Variants in VWDE observed in about 807,000 individuals in gnomAD.
The protein encoded by VWDE is von Willebrand factor D and EGF domain-containing protein.
A neutral mutation model predicts 178.4 loss-of-function variants in VWDE; 207 were observed. The observed-to-expected ratio is 1.16, with a 90% confidence interval of 1.04 to 1.30. The LOEUF is 1.30. Ranked by LOEUF, VWDE falls within the 50% of genes most tolerant of loss-of-function variation. VWDE has a pLI of 0.00. For missense variants in VWDE, 2,287 were observed against 1,901.3 expected (o/e 1.20, Z -3.77); for synonymous variants, 738 against 651.4 (o/e 1.13, Z -2.02).
At chr7:12,395,397 C>T (rs1054754079) in intron 1 of VWDE, among the ~76,000 whole-genome samples, 44 of 152,030 alleles carry the variant, frequency 2.9e-4, no homozygotes, top group Non-Finnish European at 3.5e-4. Flanking sequence ...AACAGAATTT[C>T]GTCTTGGGAA....
chr7:12,391,867 C>T (rs952276353), intron 2 of VWDE, among the ~76,000 whole-genome samples: 1 of 152,082 alleles, frequency 6.6e-6, no homozygotes, highest in Non-Finnish European at 1.5e-5. Context: ...GATCTCTCTC[C>T]AGGGGCCAAT....
intron 7 of VWDE, among the ~76,000 whole-genome samples, chr7:12,376,548 T>C (rs1041738001): frequency 2.6e-5 from 4 of 152,154 alleles, no homozygotes; most frequent in Non-Finnish European, 5.9e-5. Flanking sequence ...TTTTAAAGTA[T>C]ACCTGTAACT....
chr7:12,357,914 C>T (rs1276826678), intron 16 of VWDE, among the ~76,000 whole-genome samples: 1 of 152,142 alleles, frequency 6.6e-6, no homozygotes, highest in African/African-American at 2.4e-5. Context: ...TCCCTCTACT[C>T]CCTTTCTCTA....
intron 7 of VWDE, 112 bp from the exon 8 acceptor site, chr7:12,375,339 TTC>T (rs1242875831): frequency 1.0e-6 from 1 of 958,586 alleles, no homozygotes. Context: ...TCAAATTATT[TTC>T]TCTTTCTTAA....
At chr7:12,362,154 A>C (rs968661537) in intron 13 of VWDE, among the ~76,000 whole-genome samples, 1 of 151,866 alleles carries the variant, frequency 6.6e-6, no homozygotes, top group Non-Finnish European at 1.5e-5. Flanking sequence ...CACTATGGAG[A>C]GAAAGCCAGT....
At chr7:12,374,911 C>CA (rs1300149623) in intron 8 of VWDE, 99 bp downstream of exon 8, 2 of 1,274,502 alleles carry the variant, frequency 1.6e-6, no homozygotes, top group Middle Eastern at 2.7e-4. Flanking sequence ...ACTAATTTAC[C>CA]AAAAAATTTT....
In VWDE at chr7:12,393,668, G is replaced by A. The variant is rs2128562638; in HGVS notation, c.169C>T (p.His57Tyr). The A allele has an allele frequency of 6.4e-7, 1 of 1,551,190 alleles. No individual in the cohort carries two copies. The change falls in exon 2 of 29, where the codon CAT becomes TAT. Residue 57 changes from histidine to tyrosine, a missense_variant. By Grantham distance (83) the His-to-Tyr change is moderately conservative. Coordinates refer to ENST00000275358, the MANE Select transcript of VWDE (RefSeq NM_001135924.3). The stretch of plus-strand genomic sequence containing the variant: ...CTATACCATCCAGGGGAGAGGGAAT[G>A]GTCACATATTAGGTCTTGAACAGCT... ...QSAVQDLICD[H>Y]SLSPGWYRFL...
chr7:12,343,234 A>T, intron 21 of VWDE, 56 bp from the exon 22 acceptor site: 1 of 1,256,386 alleles, frequency 8.0e-7, no homozygotes, highest in South Asian at 1.3e-5. Flanking sequence ...AAGTCAGTTT[A>T]TATTTATAAA....
chr7:12,356,004 A>C (rs1782221575), intron 18 of VWDE, 107 bp downstream of exon 18: 1 of 823,994 alleles, frequency 1.2e-6, no homozygotes, highest in African/African-American at 1.7e-5. Flanking sequence ...TAAAATTGTA[A>C]AGATGTGTAC....
intron 1 of VWDE, among the ~76,000 whole-genome samples, chr7:12,400,349 G>A (rs754218230): frequency 1.3e-5 from 2 of 152,048 alleles, no homozygotes; most frequent in Non-Finnish European, 2.9e-5. Flanking sequence ...AAAGAAGAGA[G>A]AAGATTCAAA....
intron 6 of VWDE, among the ~76,000 whole-genome samples, chr7:12,378,918 C>A (rs994061588): frequency 6.6e-6 from 1 of 152,172 alleles, no homozygotes; most frequent in South Asian, 2.1e-4. Flanking sequence ...GTTCACCGTG[C>A]TTGCCTGCCT....
chr7:12,362,458 A>C (rs988336129), intron 13 of VWDE, among the ~76,000 whole-genome samples: 1 of 152,116 alleles, frequency 6.6e-6, no homozygotes, highest in Admixed American at 6.6e-5. Flanking sequence ...CATTATGCTT[A>C]AGCTACACTT....
intron 16 of VWDE, 47 bp downstream of exon 16, chr7:12,359,529 TTA>T (rs1277923529): frequency 1.5e-5 from 20 of 1,322,550 alleles, no homozygotes; most frequent in Admixed American, 2.2e-5. Context: ...AAAACCACTT[TTA>T]AAATGTCTTG....
At chr7:12,352,171 T>C (rs1299607919) in intron 18 of VWDE, among the ~76,000 whole-genome samples, 2 of 152,190 alleles carry the variant, frequency 1.3e-5, no homozygotes, top group East Asian at 3.8e-4. Flanking sequence ...TAAATTTCTG[T>C]TGTTTATGCC....
chr7:12,378,035 C>A (rs1783637297), intron 6 of VWDE, 115 bp from the exon 7 acceptor site: 2 of 781,726 alleles, frequency 2.6e-6, no homozygotes, highest in South Asian at 3.7e-5. Flanking sequence ...TAACTTAAGC[C>A]CTAGAATGTT....
intron 19 of VWDE, among the ~76,000 whole-genome samples, chr7:12,347,541 G>A (rs1377357598): frequency 1.3e-5 from 2 of 151,964 alleles, no homozygotes; most frequent in Non-Finnish European, 2.9e-5. Flanking sequence ...GCATAAAAAA[G>A]ACTATTAGAA....
At chr7:12,387,571 A>C (rs1784166030) in intron 3 of VWDE, among the ~76,000 whole-genome samples, 1 of 151,236 alleles carries the variant, frequency 6.6e-6, no homozygotes, top group African/African-American at 2.4e-5. Flanking sequence ...ATGTGTATAC[A>C]CACACACACA....
At chr7:12,348,114 A>T (rs1781714142) in intron 19 of VWDE, among the ~76,000 whole-genome samples, 1 of 152,012 alleles carries the variant, frequency 6.6e-6, no homozygotes, top group South Asian at 2.1e-4. Flanking sequence ...CTAAAACCAT[A>T]AAAACCCTAG....
Position 12,331,199 on chromosome 7 carries a change from T to G in VWDE, c.4759-2A>C. 6.5e-7 allele frequency: 1 copy of G among 1,540,990 alleles called. No individual in the cohort carries two copies. The highest frequency in any genetic ancestry group is 8.8e-7 in the Non-Finnish European group (1 of 1,139,262). Reference sequence around the variant, plus strand: ...TGATGCTACTCAATGGCGTCTTATCTGTAGTAGGAAGAAGGAAATTGTGTT... The same window carrying G: ...TGATGCTACTCAATGGCGTCTTATCGGTAGTAGGAAGAAGGAAATTGTGTT... On this transcript the variant is annotated splice_acceptor_variant, in intron 28 of 28. Transcript: ENST00000275358. LOFTEE classifies it high-confidence loss of function.
Sources: gnomAD v4.1 joint callset for allele counts (sites outside exome capture counted in the v4.1 genomes callset) on GRCh38, gnomAD v4.1.1 for gene constraint, MANE v1.5 for transcripts, NCBI Gene and HGNC (gene_info 2026-07-23, HGNC 2026-07-21) for gene names.